NCOA5: variants seen among roughly 807,000 people sequenced by gnomAD.
NCOA5 encodes the protein nuclear receptor coactivator 5.
In NCOA5, 12 loss-of-function variants were observed where a neutral mutation model predicts 59.0. The observed-to-expected ratio is 0.20, with a 90% CI of 0.13 to 0.33. The LOEUF (loss-of-function observed/expected upper bound fraction) is 0.33. Among genes scored for constraint, NCOA5 ranks in the 10% least tolerant of loss-of-function variants. NCOA5 has a pLI of 1.00. For synonymous variants in NCOA5, 270 were observed against 275.5 expected (o/e 0.98, Z 0.20); for missense variants, 655 against 766.6 (o/e 0.85, Z 1.72).
chr20:46,088,537 A>C (rs139807654), intron 1 of NCOA5, among the ~76,000 whole-genome samples: 65 of 152,358 alleles, frequency 4.3e-4, no homozygotes, highest in African/African-American at 1.3e-3. Context: ...GTCAAAACTC[A>C]CAAAAGCTTC....
At chr20:46,063,244 G>C in intron 7 of NCOA5, 116 bp downstream of exon 7, 1 of 1,031,396 alleles carries the variant, frequency 9.7e-7, no homozygotes, top group South Asian at 1.6e-5. Context: ...CCAAGGGATG[G>C]ACTTAGTTCC....
intron 2 of NCOA5, 138 bp downstream of exon 2, chr20:46,079,249 C>T: frequency 1.3e-6 from 1 of 782,344 alleles, no homozygotes; most frequent in Admixed American, 2.3e-5. Context: ...AGGCCCTTCA[C>T]ACAGGGTTCA....
chr20:46,072,239 T>C (rs955900457), intron 2 of NCOA5, among the ~76,000 whole-genome samples: 4 of 152,218 alleles, frequency 2.6e-5, no homozygotes, highest in African/African-American at 9.6e-5. Flanking sequence ...ATTTCTGTTT[T>C]TGCCTCTTTC....
At position 46,062,218 on chromosome 20, in the gene NCOA5, C is replaced by T; in HGVS notation, c.*82G>A. 1 of 1,097,728 alleles carries T rather than the reference C, an allele frequency of 9.1e-7. No homozygotes were observed. Among genetic ancestry groups the T allele is most frequent in the Non-Finnish European group, 1.3e-6 (1 of 771,986 alleles). The allele number at this position is 1,097,728 out of a possible 1,614,324, so 68.0% of individuals were successfully genotyped here. ...GCCGGCCTGGGAGCGCAGAGAACAT[C>T]CTCCAAACAGCTCTATTTAGAACAA... On this transcript the variant is annotated 3_prime_UTR_variant, in exon 8 of 8. Coordinates refer to ENST00000290231, the MANE Select transcript of NCOA5 (RefSeq NM_020967.3).
At chr20:46,065,261 C>T (rs374572190) in intron 5 of NCOA5, 33 bp from the exon 6 acceptor site, 2 of 1,604,906 alleles carry the variant, frequency 1.2e-6, no homozygotes. Context: ...GGTGAGCGAC[C>T]AACTCCAAAT....
At chr20:46,085,225 C>T (rs1387769751) in intron 1 of NCOA5, among the ~76,000 whole-genome samples, 1 of 151,930 alleles carries the variant, frequency 6.6e-6, no homozygotes, top group Non-Finnish European at 1.5e-5. Flanking sequence ...TACTGTCTCC[C>T]TATGTTGCCC....
chr20:46,086,385 T>C (rs775270324), intron 1 of NCOA5, among the ~76,000 whole-genome samples: 1 of 152,180 alleles, frequency 6.6e-6, no homozygotes, highest in Non-Finnish European at 1.5e-5. Flanking sequence ...GGATAAAGAA[T>C]GAAGATGACC....
At chr20:46,068,961 T>A (rs1008316940) in intron 3 of NCOA5, among the ~76,000 whole-genome samples, 22 of 152,228 alleles carry the variant, frequency 1.4e-4, no homozygotes, top group African/African-American at 4.3e-4. Context: ...TTTAACAATT[T>A]TTATTATTAT....
At chr20:46,085,320 C>T (rs2085034876) in intron 1 of NCOA5, among the ~76,000 whole-genome samples, 1 of 152,068 alleles carries the variant, frequency 6.6e-6, no homozygotes, top group Non-Finnish European at 1.5e-5. Flanking sequence ...AGTCACCATG[C>T]CTGGCCTGGA....
Position 46,089,850 on chromosome 20 carries a change from T to G in NCOA5, c.-63A>C, listed in dbSNP as rs577564771. ...GCGCGGCGGGCTCCCGGCCGCTCCT[T>G]CGCCTCAGGCCCGCCGCTGCCGCCT... On this transcript the variant is annotated 5_prime_UTR_variant, in exon 1 of 8. Coordinates refer to ENST00000290231, the MANE Select transcript of NCOA5 (RefSeq NM_020967.3). The G allele has an allele frequency of 1.3e-5, 2 of 152,202 alleles. No homozygotes were observed. The highest frequency in any genetic ancestry group is 2.1e-4 in the South Asian group (1 of 4,820). 9.4% of individuals were successfully genotyped at this position (152,202 alleles called of 1,614,324 possible). A position where few individuals can be genotyped will look rare whatever the true frequency, so the allele number is the denominator to read the frequency against.
Position 46,062,060 on chromosome 20 carries a change from G to A in NCOA5, c.*240C>T. On this transcript the variant is annotated 3_prime_UTR_variant, in exon 8 of 8. Coordinates refer to ENST00000290231, the MANE Select transcript of NCOA5 (RefSeq NM_020967.3). ...AGCCCAGACACCTGTACTGCCCCCG[G>A]AGATATTTATTTTCTACAAAACAAA... The A allele has an allele frequency of 2.4e-6, 1 of 410,736 alleles. No individual in the cohort carries two copies. Among genetic ancestry groups the A allele is most frequent in the South Asian group, 4.8e-5 (1 of 20,762 alleles). 25.4% of individuals were successfully genotyped at this position (410,736 alleles called of 1,614,324 possible). A position where few individuals can be genotyped will look rare whatever the true frequency, so the allele number is the denominator to read the frequency against.
At chr20:46,075,306 T>C (rs1322471689) in intron 2 of NCOA5, among the ~76,000 whole-genome samples, 4 of 152,232 alleles carry the variant, frequency 2.6e-5, no homozygotes, top group Admixed American at 2.6e-4. Context: ...ACTGATGACT[T>C]CTTCAAGTGT....
intron 2 of NCOA5, among the ~76,000 whole-genome samples, chr20:46,077,581 C>T (rs1297503299): frequency 6.6e-6 from 1 of 152,120 alleles, no homozygotes; most frequent in Admixed American, 6.5e-5. Flanking sequence ...CCAGAGATCA[C>T]CAAGTATCAT....
At chr20:46,072,221 G>T (rs1247196171) in intron 2 of NCOA5, among the ~76,000 whole-genome samples, 1 of 152,140 alleles carries the variant, frequency 6.6e-6, no homozygotes, top group Non-Finnish European at 1.5e-5. Context: ...TTCTAAAGCA[G>T]TCTCCTCATT....
intron 3 of NCOA5, 123 bp downstream of exon 3, chr20:46,070,087 C>T (rs2084865433): frequency 1.3e-6 from 1 of 745,756 alleles, no homozygotes; most frequent in African/African-American, 1.8e-5. Context: ...ACATCTATCA[C>T]TTGACAGTCA....
intron 1 of NCOA5, among the ~76,000 whole-genome samples, chr20:46,087,831 T>C (rs1049735818): frequency 2.0e-5 from 3 of 152,226 alleles, no homozygotes; most frequent in African/African-American, 4.8e-5. Flanking sequence ...GCTGAAGTTC[T>C]GAAACGGACG....
chr20:46,062,675 A>C lies in NCOA5; in HGVS notation c.1365T>G (p.Val455=). ...TCTGGTTTGGGGTGTTTCCGGCAGCAACCGAGGGGGATGCAGAGCTGCTAT... is the reference window on the plus strand; with the variant it reads ...TCTGGTTTGGGGTGTTTCCGGCAGCCACCGAGGGGGATGCAGAGCTGCTAT... The part of the protein sequence containing the change: ...TANSSSASPS[V]AAGNTPNQNF... Residue 455 remains valine (V), a synonymous_variant, in exon 8 of 8, where the codon GTT becomes GTG. Coordinates refer to ENST00000290231, the MANE Select transcript of NCOA5 (RefSeq NM_020967.3). 1 of 1,614,162 alleles carries C rather than the reference A, an allele frequency of 6.2e-7. No individual in the cohort carries two copies.
Position 46,062,095 on chromosome 20 carries a change from A to G in NCOA5, c.*205T>C, listed in dbSNP as rs1274119686. On this transcript the variant is annotated 3_prime_UTR_variant, in exon 8 of 8. Coordinates refer to ENST00000290231, the MANE Select transcript of NCOA5 (RefSeq NM_020967.3). ...TTTTCTACAAAACAAAAAACAAAAA[A>G]AGATACAGCCCCAAATGCAGTATAA... 1 of 479,158 alleles carries G rather than the reference A, an allele frequency of 2.1e-6. No individual in the cohort carries two copies. Among genetic ancestry groups the G allele is most frequent in the Non-Finnish European group, 3.7e-6 (1 of 273,214 alleles). The allele number at this position is 479,158 out of a possible 1,614,324, so 29.7% of individuals were successfully genotyped here. A position where few individuals can be genotyped will look rare whatever the true frequency, so the allele number is the denominator to read the frequency against.
At chr20:46,078,171 CCAG>C (rs980375411) in intron 2 of NCOA5, among the ~76,000 whole-genome samples, 3 of 147,638 alleles carry the variant, frequency 2.0e-5, no homozygotes, top group Non-Finnish European at 4.6e-5. Flanking sequence ...CTGAATGAAA[CCAG>C]CAGCATTACT....
Sources: gnomAD v4.1 joint callset for allele counts (sites outside exome capture counted in the v4.1 genomes callset) on GRCh38, gnomAD v4.1.1 for gene constraint, MANE v1.5 for transcripts, NCBI Gene and HGNC (gene_info 2026-07-23, HGNC 2026-07-21) for gene names.